NECTIN1: variants seen among roughly 807,000 people sequenced by gnomAD.
NECTIN1 encodes the protein nectin-1.
NECTIN1 carries 23 observed loss-of-function variants against 48.0 expected under a neutral mutation model. That is an observed-to-expected ratio of 0.48 (90% CI 0.34 to 0.68). The LOEUF (loss-of-function observed/expected upper bound fraction) is 0.68, where lower values mean the gene tolerates loss of function less well. NECTIN1 is among the 30% of genes least tolerant of loss of function. NECTIN1 has a pLI of 0.01. For missense variants in NECTIN1, 591 were observed against 709.9 expected, an observed-to-expected ratio of 0.83 and a Z score of 1.90; for synonymous variants, 270 against 288.9, an observed-to-expected ratio of 0.93 and a Z score of 0.66.
intron 1 of NECTIN1, among the ~76,000 whole-genome samples, chr11:119,688,127 G>T (rs1865191917): frequency 6.6e-6 from 1 of 152,150 alleles, no homozygotes; most frequent in African/African-American, 2.4e-5. Flanking sequence ...TTCGAGAAAG[G>T]TGCATTAATC....
intron 1 of NECTIN1, among the ~76,000 whole-genome samples, chr11:119,698,102 C>G (rs1865373679): frequency 6.6e-6 from 1 of 152,284 alleles, no homozygotes; most frequent in African/African-American, 2.4e-5. Flanking sequence ...AGGCCCTGCC[C>G]TGCCTGACAT....
chr11:119,702,008 C>T (rs1367742435), intron 1 of NECTIN1, among the ~76,000 whole-genome samples: 2 of 152,234 alleles, frequency 1.3e-5, no homozygotes, highest in Non-Finnish European at 2.9e-5. Context: ...CATTCTGTCA[C>T]CGGCCTGCCC....
At chr11:119,660,000 G>A (rs1156325005), downstream of NECTIN1, among the ~76,000 whole-genome samples, 3 of 152,138 alleles carry the variant, frequency 2.0e-5, no homozygotes, top group South Asian at 2.1e-4. Context: ...TCCAGCGGGG[G>A]CTCAGCCAGC....
chr11:119,693,115 C>T (rs150859976), intron 1 of NECTIN1, among the ~76,000 whole-genome samples: 1 of 152,322 alleles, frequency 6.6e-6, no homozygotes, highest in Non-Finnish European at 1.5e-5. Flanking sequence ...TGACTGAAGA[C>T]TCCAGACATG....
intron 5 of NECTIN1, among the ~76,000 whole-genome samples, chr11:119,667,636 A>G (rs746090841): frequency 2.6e-5 from 4 of 152,028 alleles, no homozygotes; most frequent in Non-Finnish European, 4.4e-5. Flanking sequence ...CTTCCCATAC[A>G]AGATTCCGTG....
rs1177519816 is a variant in NECTIN1, at chr11:119,676,519, G to C, written c.851+583C>G. Among the ~76,000 whole-genome samples, 4 of 152,318 alleles carry C rather than the reference G, an allele frequency of 2.6e-5. No individual in the cohort carries two copies. In the Middle Eastern group the frequency reaches 0.014, roughly 518 times the overall value. On this transcript the variant is annotated intron_variant, in intron 4 of 5. Coordinates refer to ENST00000264025, the MANE Select transcript of NECTIN1 (RefSeq NM_002855.5). Reference sequence around the variant, plus strand: ...TGTGTTCCATCCAGCTCTTCTCTGGGAAGAGCCTTGGCCCCAGCTGTCAGA... The same window carrying C: ...TGTGTTCCATCCAGCTCTTCTCTGGCAAGAGCCTTGGCCCCAGCTGTCAGA...
Position 119,664,377 on chromosome 11 carries a change from A to G in NECTIN1, c.*370T>C. ...ACCCCCAGTGAAGAAACACAAACAA[A>G]TTCCAGTGTAGGGGGGCGGGGGAGG... On this transcript the variant is annotated 3_prime_UTR_variant, in exon 6 of 6. Coordinates refer to ENST00000264025, the MANE Select transcript of NECTIN1 (RefSeq NM_002855.5). 1 of 1,048,868 alleles carries G rather than the reference A, an allele frequency of 9.5e-7. No individual in the cohort carries two copies. The highest frequency in any genetic ancestry group is 3.9e-5 in the South Asian group (1 of 25,324). The allele number at this position is 1,048,868 out of a possible 1,614,324, so 65.0% of individuals were successfully genotyped here.
At position 119,678,909 on chromosome 11, in the gene NECTIN1, A is replaced by G. The variant is rs1865011746; in HGVS notation, c.80-144T>C. 1 of 683,648 alleles carries G rather than the reference A, an allele frequency of 1.5e-6. No homozygotes were observed. The highest frequency in any genetic ancestry group is 1.8e-5 in the African/African-American group (1 of 56,516). The allele number at this position is 683,648 out of a possible 1,614,324, so 42.3% of individuals were successfully genotyped here. On this transcript the variant is annotated intron_variant, in intron 1 of 5. Coordinates refer to ENST00000264025, the MANE Select transcript of NECTIN1 (RefSeq NM_002855.5). This position sits in a 1 kb window ranked among gnomAD's most constrained non-coding sequence, Gnocchi z 4.4. The stretch of plus-strand genomic sequence containing the variant: ...TAAAAATATTAATTACTTGTTATAA[A>G]AACACTCTAGGCAACACTGAAAAAT...
intron 1 of NECTIN1, among the ~76,000 whole-genome samples, chr11:119,700,103 C>T (rs1366524761): frequency 6.6e-6 from 1 of 152,182 alleles, no homozygotes; most frequent in Non-Finnish European, 1.5e-5. Flanking sequence ...GACTCTATGT[C>T]TCCTGCTGGG....
chr11:119,701,976 T>G (rs1384172212), intron 1 of NECTIN1, among the ~76,000 whole-genome samples: 2 of 152,168 alleles, frequency 1.3e-5, no homozygotes, highest in Non-Finnish European at 2.9e-5. Context: ...GGGGCGACAG[T>G]TGTAGCAAGC....
At chr11:119,638,172 A>C in exon 8 of NECTIN1, 1 of 1,613,858 alleles carries the variant, frequency 6.2e-7, no homozygotes. Context: ...AGATCATAGT[A>C]GGGGGGCTGC....
intron 1 of NECTIN1, among the ~76,000 whole-genome samples, chr11:119,718,638 G>A (rs950647499): frequency 6.6e-6 from 1 of 152,178 alleles, no homozygotes; most frequent in Admixed American, 6.5e-5. Context: ...GATTCTCTCC[G>A]AGGAGCTACT....
intron 1 of NECTIN1, chr11:119,713,746 C>T (rs1313443953): frequency 4.6e-6 from 2 of 434,278 alleles, no homozygotes; most frequent in Non-Finnish European, 9.2e-6. Flanking sequence ...CTGGCCCACC[C>T]AGTCTTCACT....
chr11:119,655,846 A>G (rs1055886006), intron 5 of NECTIN1, among the ~76,000 whole-genome samples: 7 of 151,326 alleles, frequency 4.6e-5, no homozygotes, highest in Non-Finnish European at 1.0e-4. Flanking sequence ...TTGAAGGAAA[A>G]CCCCTGTCTT....
At chr11:119,726,978 G>A (rs2134351227) in intron 1 of NECTIN1, among the ~76,000 whole-genome samples, 1 of 152,256 alleles carries the variant, frequency 6.6e-6, no homozygotes, top group Admixed American at 6.5e-5. Flanking sequence ...TCTGGGGGCA[G>A]GGTGGGCAGT....
intron 5 of NECTIN1, among the ~76,000 whole-genome samples, chr11:119,650,374 A>T (rs935443408): frequency 7.2e-5 from 11 of 152,186 alleles, no homozygotes; most frequent in Non-Finnish European, 1.5e-4. Flanking sequence ...CTACAAAATC[A>T]TCTTCCATAG....
Position 119,665,902 on chromosome 11 carries a change from G to T in NECTIN1, c.1004-605C>A, listed in dbSNP as rs1475608529. 6.6e-6 allele frequency among the ~76,000 whole-genome samples: 1 copy of T among 152,208 alleles called. No individual in the cohort carries two copies. The highest frequency in any genetic ancestry group is 1.5e-5 in the Non-Finnish European group (1 of 68,040). ...GAACCAGGAGCCACCTAGGTGTTCT[G>T]CACCTGATTTTGTCTGCCTGCAGGG... is the stretch of plus-strand genomic sequence containing the variant. On this transcript the variant is annotated intron_variant, in intron 5 of 5. Transcript: ENST00000264025. This position sits in a 1 kb window ranked among gnomAD's most constrained non-coding sequence, Gnocchi z 5.1.
At chr11:119,704,262 G>A (rs1475816426) in intron 1 of NECTIN1, among the ~76,000 whole-genome samples, 1 of 151,720 alleles carries the variant, frequency 6.6e-6, no homozygotes, top group Non-Finnish European at 1.5e-5. Context: ...TCACTCTGTC[G>A]CCCAGGCTGG....
chr11:119,665,029 G>C lies in NECTIN1; in HGVS notation c.1272C>G (p.Asp424Glu). 6.2e-7 allele frequency: 1 copy of C among 1,613,750 alleles called. No homozygotes were observed. The highest frequency in any genetic ancestry group is 8.5e-7 in the Non-Finnish European group (1 of 1,179,884). ...CACCCAGTGGGCCGGCCTTCTTCTC[G>C]TCGTCTGAGTCGTCGGGGTACTGCA... ...QNLQYPDDSD[D>E]EKKAGPLGGS... The change falls in exon 6 of 6, where the codon GAC (aspartate) becomes GAG (glutamate). Residue 424 changes from aspartate (D) to glutamate (E), a missense_variant. Asp to Glu is a conservative substitution (Grantham distance 45). Coordinates refer to ENST00000264025, the MANE Select transcript of NECTIN1 (RefSeq NM_002855.5). This position sits in a 1 kb window ranked among gnomAD's most constrained non-coding sequence, Gnocchi z 5.1.
Sources: gnomAD v4.1 joint callset for allele counts (sites outside exome capture counted in the v4.1 genomes callset) on GRCh38, gnomAD v4.1.1 for gene constraint, Gnocchi (gnomAD v3.1) non-coding constraint, MANE v1.5 for transcripts, NCBI Gene and HGNC (gene_info 2026-07-23, HGNC 2026-07-21) for gene names.